The following KLHDC8A variants were observed in gnomAD, a reference collection of about 807,000 sequenced individuals.
The protein encoded by KLHDC8A is kelch domain containing 8A.
KLHDC8A carries 21 observed loss-of-function variants against 33.1 expected under a neutral mutation model. The observed-to-expected ratio is 0.64, with a 90% confidence interval of 0.45 to 0.91. The LOEUF (loss-of-function observed/expected upper bound fraction) is 0.91. KLHDC8A is among the 40% of genes least tolerant of loss of function. The pLI is 0.00. For missense variants in KLHDC8A, 435 were observed against 483.3 expected (o/e 0.90, Z 0.94); for synonymous variants, 173 against 193.5 (o/e 0.89, Z 0.88).
At chr1:205,353,249 AT>A (rs1276733891) in intron 1 of KLHDC8A, among the ~76,000 whole-genome samples, 1 of 152,220 alleles carries the variant, frequency 6.6e-6, no homozygotes. Flanking sequence ...GGGAAAAAAA[AT>A]CAAAAGAAAA....
chr1:205,344,327 G>C (rs1290839934), intron 1 of KLHDC8A: 1 of 152,400 alleles, frequency 6.6e-6, no homozygotes, highest in Non-Finnish European at 1.5e-5. Flanking sequence ...CGCCGGGGAG[G>C]AGGCCGGCGA....
chr1:205,356,618 T>C lies in KLHDC8A; in HGVS notation c.-275A>G, dbSNP rs2102307673. 1 of 455,868 alleles carries C rather than the reference T, an allele frequency of 2.2e-6. No individual in the cohort carries two copies. The highest frequency in any genetic ancestry group is 3.3e-4 in the Middle Eastern group (1 of 3,016). 28.2% of individuals were successfully genotyped at this position (455,868 alleles called of 1,614,324 possible). A position where few individuals can be genotyped will look rare whatever the true frequency, so the allele number is the denominator to read the frequency against. Reference sequence around the variant, plus strand: ...GGGCCGGGAGAGGGTCGAGCGGGTGTTGGCTCTGAGGCTTGTCCTAGGAGC... The same window carrying C: ...GGGCCGGGAGAGGGTCGAGCGGGTGCTGGCTCTGAGGCTTGTCCTAGGAGC... On this transcript the variant is annotated 5_prime_UTR_variant, in exon 1 of 6. Transcript: ENST00000367155.
At chr1:205,350,737 G>C (rs748733327) in intron 1 of KLHDC8A, among the ~76,000 whole-genome samples, 1 of 152,206 alleles carries the variant, frequency 6.6e-6, no homozygotes, top group Non-Finnish European at 1.5e-5. Context: ...CTTCCAGCTG[G>C]GAAATCAGCA....
intron 1 of KLHDC8A, among the ~76,000 whole-genome samples, chr1:205,354,427 G>T (rs1663205818): frequency 2.0e-5 from 3 of 152,182 alleles, no homozygotes; most frequent in South Asian, 2.1e-4. Context: ...GATGTGTAAT[G>T]AATATTGAGC....
intron 1 of KLHDC8A, chr1:205,351,596 A>G: frequency 2.9e-6 from 1 of 348,582 alleles, no homozygotes. Flanking sequence ...AAACTTCTGT[A>G]ATAGTCAAAA....
At chr1:205,350,432 G>A (rs540818620) in intron 1 of KLHDC8A, among the ~76,000 whole-genome samples, 3 of 152,192 alleles carry the variant, frequency 2.0e-5, no homozygotes, top group South Asian at 2.1e-4. Context: ...AAGTGAAAAC[G>A]TGCCCATTTG....
intron 1 of KLHDC8A, among the ~76,000 whole-genome samples, chr1:205,349,068 A>T (rs1663022246): frequency 6.6e-6 from 1 of 152,146 alleles, no homozygotes; most frequent in Non-Finnish European, 1.5e-5. Context: ...AGCATAGAGA[A>T]GCCTCATTAG....
chr1:205,337,645 T>G, intron 5 of KLHDC8A, 53 bp from the exon 6 acceptor site: 4 of 1,392,304 alleles, frequency 2.9e-6, no homozygotes, highest in Non-Finnish European at 4.0e-6. Context: ...CACCAATCCA[T>G]GCCCCACGGT....
chr1:205,339,140 C>T lies in KLHDC8A; in HGVS notation c.757+54G>A, dbSNP rs1272259800. 6.7e-7 allele frequency: 1 copy of T among 1,492,736 alleles called. No homozygotes were observed. Among genetic ancestry groups the T allele is most frequent in the Non-Finnish European group, 9.3e-7 (1 of 1,076,354 alleles). 92.5% of individuals were successfully genotyped at this position (1,492,736 alleles called of 1,614,324 possible). A position where few individuals can be genotyped will look rare whatever the true frequency, so the allele number is the denominator to read the frequency against. ...GGAATAGGGGTAAGGGATGGGGAGC[C>T]AGCCAGAAGGGCAGTGGGCAGCCAG... On this transcript the variant is annotated intron_variant, in intron 4 of 5. Transcript: ENST00000367155. This position sits in a 1 kb window ranked among gnomAD's most constrained non-coding sequence, Gnocchi z 5.1.
At chr1:205,346,474 C>G (rs1163536410) in intron 1 of KLHDC8A, among the ~76,000 whole-genome samples, 2 of 152,204 alleles carry the variant, frequency 1.3e-5, no homozygotes, top group African/African-American at 4.8e-5. Flanking sequence ...ACCACCCCAG[C>G]TGGGGCAGCT....
At chr1:205,343,821 G>T (rs1662866829) in intron 1 of KLHDC8A, 28 bp from the exon 2 acceptor site, 1 of 539,960 alleles carries the variant, frequency 1.9e-6, no homozygotes, top group Admixed American at 3.8e-5. Flanking sequence ...TGAATCAAGG[G>T]CAGCTGGGGC....
intron 1 of KLHDC8A, chr1:205,351,141 A>G (rs1663092825): frequency 1.0e-5 from 7 of 677,238 alleles, no homozygotes; most frequent in African/African-American, 1.8e-5. Flanking sequence ...TTGTTTCCAC[A>G]TAGAGATTCC....
At chr1:205,352,334 G>A (rs984515626) in intron 1 of KLHDC8A, among the ~76,000 whole-genome samples, 2 of 152,018 alleles carry the variant, frequency 1.3e-5, no homozygotes, top group East Asian at 3.9e-4. Flanking sequence ...AGTGGCTTTT[G>A]CTCTCTCCTC....
intron 2 of KLHDC8A, 130 bp downstream of exon 2, chr1:205,343,099 C>T (rs1482186080): frequency 3.0e-6 from 4 of 1,325,992 alleles, no homozygotes; most frequent in East Asian, 2.4e-5. Context: ...TTTTGCTGAA[C>T]GCATGGGGTC....
At chr1:205,354,926 C>T (rs971941752) in intron 1 of KLHDC8A, among the ~76,000 whole-genome samples, 5 of 152,172 alleles carry the variant, frequency 3.3e-5, no homozygotes, top group Non-Finnish European at 7.3e-5. Flanking sequence ...GAAGATGACG[C>T]ACAAATTCTC....
chr1:205,337,506 G>C lies in KLHDC8A; in HGVS notation c.946C>G (p.Arg316Gly), dbSNP rs774108387. Reference protein sequence around the residue: ...WEILPAMPTPRCACSSIVVKN... With the variant: ...WEILPAMPTPGCACSSIVVKN... Reference sequence around the variant, plus strand: ...ACGACTATGCTGGAGCAGGCACAGCGGGGTGTGGGCATGGCAGGGAGGATC... The same window carrying C: ...ACGACTATGCTGGAGCAGGCACAGCCGGGTGTGGGCATGGCAGGGAGGATC... Residue 316 changes from arginine to glycine, a missense_variant, in exon 6 of 6, where the codon CGC becomes GGC. Transcript: ENST00000367155. 6.2e-7 allele frequency: 1 copy of C among 1,613,938 alleles called. No homozygotes were observed. The highest frequency in any genetic ancestry group is 8.5e-7 in the Non-Finnish European group (1 of 1,179,874).
intron 5 of KLHDC8A, among the ~76,000 whole-genome samples, chr1:205,338,007 G>A (rs778454305): frequency 6.6e-6 from 1 of 152,184 alleles, no homozygotes; most frequent in Non-Finnish European, 1.5e-5. Context: ...CTTGATGATG[G>A]GGAACTTCTC....
At position 205,339,950 on chromosome 1, in the gene KLHDC8A, T is replaced by C; in HGVS notation, c.377-142A>G. 5.1e-6 allele frequency: 3 copies of C among 588,618 alleles called. No individual in the cohort carries two copies. The highest frequency in any genetic ancestry group is 3.2e-5 in the South Asian group (1 of 31,584). The allele number at this position is 588,618 out of a possible 1,614,324, so 36.5% of individuals were successfully genotyped here. On this transcript the variant is annotated intron_variant, in intron 2 of 5. Transcript: ENST00000367155. This position sits in a 1 kb window ranked among gnomAD's most constrained non-coding sequence, Gnocchi z 5.1. ...GTGAGTCATATCTGTATCAGTGTGG[T>C]TGATAGCACCATTCAAAGAAGTTCC...
chr1:205,349,434 C>T (rs954630066), intron 1 of KLHDC8A, among the ~76,000 whole-genome samples: 2 of 152,156 alleles, frequency 1.3e-5, no homozygotes, highest in Non-Finnish European at 2.9e-5. Flanking sequence ...TTCCTGCCTA[C>T]TTAGGTAAAA....
Sources: allele counts gnomAD v4.1 joint callset (sites outside exome capture counted in the v4.1 genomes callset), GRCh38; gene constraint gnomAD v4.1.1; non-coding constraint Gnocchi (gnomAD v3.1); transcripts MANE v1.5; gene names NCBI Gene and HGNC (gene_info 2026-07-23, HGNC 2026-07-21).